Variants in ALCAM observed in about 807,000 individuals in gnomAD.
ALCAM encodes the protein CD166 antigen.
In ALCAM, 30 loss-of-function variants were observed where a neutral mutation model predicts 70.9. The observed-to-expected ratio is 0.42, with a 90% confidence interval of 0.32 to 0.57. ALCAM has a LOEUF of 0.57. Ranked by LOEUF, ALCAM falls within the 20% of genes least tolerant of loss-of-function variation. The pLI, the probability that ALCAM is intolerant of heterozygous loss-of-function variation, is 0.11. For synonymous variants in ALCAM, 249 were observed against 242.5 expected, an observed-to-expected ratio of 1.03 and a Z score of -0.25; for missense variants, 591 against 695.1, an observed-to-expected ratio of 0.85 and a Z score of 1.68.
At chr3:105,555,659 T>C (rs115985010) in intron 14 of ALCAM, among the ~76,000 whole-genome samples, 1,880 of 152,140 alleles carry the variant, frequency 0.012, 46 homozygotes, top group African/African-American at 0.043. Context: ...TAGTAAAATT[T>C]AAGAGTACAT....
rs566821795 is a variant in ALCAM at position 105,529,479 on chromosome 3, C to T, written c.395-2523C>T. ...ACTAATACTCATCAATTGTCACAAC[C>T]TAATATAAAAGAAAATTACATTCAA... On this transcript the variant is annotated intron_variant, in intron 3 of 15. Coordinates refer to ENST00000306107, the MANE Select transcript of ALCAM (RefSeq NM_001627.4). Among the ~76,000 whole-genome samples, 4 of 152,106 alleles carry T rather than the reference C, an allele frequency of 2.6e-5. No homozygotes were observed. In the South Asian group the frequency reaches 6.2e-4, roughly 24 times the overall value.
chr3:105,508,777 G>T (rs4894929), intron 1 of ALCAM, among the ~76,000 whole-genome samples: 3,604 of 151,866 alleles, frequency 0.024, 170 homozygotes, highest in Admixed American at 0.12. Flanking sequence ...CTACTATACA[G>T]TACACTATTA....
At chr3:105,418,086 C>T (rs1488066550) in intron 1 of ALCAM, among the ~76,000 whole-genome samples, 6 of 151,744 alleles carry the variant, frequency 4.0e-5, no homozygotes, top group Admixed American at 6.6e-5. Context: ...GTAAAAAATT[C>T]GTTACATTCT....
At chr3:105,509,079 G>A (rs1484802907) in intron 1 of ALCAM, among the ~76,000 whole-genome samples, 1 of 152,072 alleles carries the variant, frequency 6.6e-6, no homozygotes, top group African/African-American at 2.4e-5. Flanking sequence ...ATTTTATTGT[G>A]TTTGTATCTA....
chr3:105,528,849 A>G (rs971518682), intron 3 of ALCAM, among the ~76,000 whole-genome samples: 1 of 152,216 alleles, frequency 6.6e-6, no homozygotes, highest in South Asian at 2.1e-4. Flanking sequence ...TACCTATGTA[A>G]CAAACCTGCA....
chr3:105,525,466 C>A, intron 3 of ALCAM: 1 of 583,958 alleles, frequency 1.7e-6, no homozygotes, highest in Non-Finnish European at 2.2e-6. Flanking sequence ...TTTCAGAATG[C>A]CAGTCTTTCA....
chr3:105,519,969 C>A, intron 1 of ALCAM, 98 bp from the exon 2 acceptor site: 1 of 685,378 alleles, frequency 1.5e-6, no homozygotes, highest in South Asian at 2.1e-5. Context: ...CAACCTTCAT[C>A]GACATGCATC....
At chr3:105,417,340 G>C (rs1268927017) in intron 1 of ALCAM, among the ~76,000 whole-genome samples, 1 of 151,450 alleles carries the variant, frequency 6.6e-6, no homozygotes, top group African/African-American at 2.4e-5. Context: ...CTTATTCAGG[G>C]TCTGCTATTT....
chr3:105,540,497 A>G (rs187178841), intron 7 of ALCAM, among the ~76,000 whole-genome samples: 1 of 151,992 alleles, frequency 6.6e-6, no homozygotes, highest in Non-Finnish European at 1.5e-5. Flanking sequence ...AGAAGTAGGG[A>G]TAGTTCTGTT....
rs1336844184 is a variant in ALCAM, at chr3:105,366,976, GC to G, written c.-426del. 7 of 163,098 alleles carry G rather than the reference GC, an allele frequency of 4.3e-5. No individual in the cohort carries two copies. Among genetic ancestry groups the G allele is most frequent in the Non-Finnish European group, 6.7e-5 (5 of 74,322 alleles). 10.1% of individuals were successfully genotyped at this position (163,098 alleles called of 1,614,324 possible). ...CCGCTGCCACCTGAGGAGACCCGCC[GC>G]CCCCCCGTCGCCGCCTCCTGCGAGT... On this transcript the variant is annotated 5_prime_UTR_variant, in exon 1 of 16. Coordinates refer to ENST00000306107, the MANE Select transcript of ALCAM (RefSeq NM_001627.4).
intron 1 of ALCAM, 149 bp from the exon 2 acceptor site, chr3:105,519,918 T>A (rs910389777): frequency 7.1e-5 from 35 of 491,082 alleles, no homozygotes; most frequent in Non-Finnish European, 1.1e-4. Flanking sequence ...TCTAGTCTCA[T>A]ACCTTTTGTA....
chr3:105,448,585 C>T (rs747401934), intron 1 of ALCAM, among the ~76,000 whole-genome samples: 2 of 152,168 alleles, frequency 1.3e-5, no homozygotes, highest in African/African-American at 4.8e-5. Flanking sequence ...CAGGACTTCT[C>T]TCCTGGAGAG....
intron 1 of ALCAM, among the ~76,000 whole-genome samples, chr3:105,453,763 G>C (rs1287137741): frequency 2.0e-5 from 3 of 152,056 alleles, no homozygotes; most frequent in African/African-American, 7.2e-5. Context: ...GTGGTTTGTA[G>C]TTCTCCTTGA....
chr3:105,462,004 T>C (rs56018019), intron 1 of ALCAM, among the ~76,000 whole-genome samples: 28,207 of 151,494 alleles, frequency 0.19, 2,812 homozygotes, highest in East Asian at 0.38. Flanking sequence ...AGAATTTTCA[T>C]AATCCTGGGG....
chr3:105,533,441 G>A (rs1210675417), intron 4 of ALCAM, among the ~76,000 whole-genome samples, 162 bp from the exon 5 acceptor site: 2 of 152,106 alleles, frequency 1.3e-5, no homozygotes, highest in South Asian at 4.1e-4. Context: ...AAAAGACATT[G>A]TTTTTATACC....
intron 1 of ALCAM, among the ~76,000 whole-genome samples, chr3:105,487,113 G>A (rs953579437): frequency 1.1e-4 from 16 of 151,938 alleles, no homozygotes; most frequent in Non-Finnish European, 7.4e-5. Flanking sequence ...CAGTTAAGAT[G>A]CAAGAGTTGG....
rs138163941 is a variant in ALCAM at position 105,401,184 on chromosome 3, C to G, written c.73+33703C>G. On this transcript the variant is annotated intron_variant, in intron 1 of 15. Coordinates refer to ENST00000306107, the MANE Select transcript of ALCAM (RefSeq NM_001627.4). ...GGCTACTGATTCCACAAGGAACACC[C>G]ACACCTTAGTAGCTGATGATCCCCT... is the stretch of plus-strand genomic sequence containing the variant. Among the ~76,000 whole-genome samples the G allele has an allele frequency of 5.2e-3, 796 of 152,290 alleles. 6 individuals are homozygous for G. Among genetic ancestry groups the G allele is most frequent in the African/African-American group, 0.018 (737 of 41,584 alleles).
intron 1 of ALCAM, among the ~76,000 whole-genome samples, chr3:105,504,854 G>A (rs575660634): frequency 2.9e-4 from 44 of 152,220 alleles, no homozygotes; most frequent in African/African-American, 9.4e-4. Flanking sequence ...CAGGGACCAC[G>A]TCCCCCTCTA....
chr3:105,468,461 T>A (rs1055239002), intron 1 of ALCAM, among the ~76,000 whole-genome samples: 1 of 151,222 alleles, frequency 6.6e-6, no homozygotes, highest in East Asian at 1.9e-4. Flanking sequence ...TTGACTAGCA[T>A]CCATTCAATA....
Sources: allele counts gnomAD v4.1 joint callset (sites outside exome capture counted in the v4.1 genomes callset), GRCh38; gene constraint gnomAD v4.1.1; transcripts MANE v1.5; gene names NCBI Gene and HGNC (gene_info 2026-07-23, HGNC 2026-07-21).